Variants in PRKG1 observed in about 807,000 individuals in gnomAD.
PRKG1 encodes the protein cGMP-dependent protein kinase 1.
Under a neutral mutation model 88.1 loss-of-function variants are expected in PRKG1, and 35 were observed. That is an observed-to-expected ratio of 0.40 (90% CI 0.30 to 0.53). PRKG1 has a LOEUF of 0.53. PRKG1 is among the 20% of genes least tolerant of loss of function. The probability of loss-of-function intolerance (pLI) is 0.59; values close to 1 mark genes in which losing one functional copy is unlikely to be tolerated. For missense variants in PRKG1, 540 were observed against 839.8 expected, an observed-to-expected ratio of 0.64 and a Z score of 4.41; for synonymous variants, 303 against 292.5, an observed-to-expected ratio of 1.04 and a Z score of -0.37.
chr10:51,462,914 AT>A (rs1364301059), intron 2 of PRKG1, among the ~76,000 whole-genome samples: 1 of 152,150 alleles, frequency 6.6e-6, no homozygotes, highest in Admixed American at 6.5e-5. Flanking sequence ...CTAGTAATAT[AT>A]TTTTAAAAGT....
At position 51,011,491 on chromosome 10, in the gene PRKG1, C is replaced by A. The variant is rs138317001; in HGVS notation, c.266+19847C>A. ...TCCCTAGAAACCTTGAAACTTCATA[C>A]TTAGAAGTAACCTCATAGAAGCATT... is the stretch of plus-strand genomic sequence containing the variant. On this transcript the variant is annotated intron_variant, in intron 1 of 17. Coordinates refer to the PRKG1 transcript ENST00000401604. 3.3e-3 allele frequency among the ~76,000 whole-genome samples: 510 copies of A among 152,260 alleles called. 1 individual carries two copies. Among genetic ancestry groups the A allele is most frequent in the African/African-American group, 0.012 (494 of 41,554 alleles).
chr10:50,998,982 C>T (rs1842861409), intron 1 of PRKG1, among the ~76,000 whole-genome samples: 1 of 152,100 alleles, frequency 6.6e-6, no homozygotes, highest in Non-Finnish European at 1.5e-5. Flanking sequence ...TGATGGATCA[C>T]CAACTTTGGG....
In PRKG1 at chr10:51,891,691, T is replaced by A. The variant is rs116878701; in HGVS notation, c.699-15816T>A. Among the ~76,000 whole-genome samples the A allele has an allele frequency of 9.6e-4, 146 of 152,334 alleles. 3 individuals carry two copies. The East Asian group carries it at 0.021, about 22-fold the overall frequency. ...GACCAAATAGTAAATATTATAGGTT[T>A]GCAGGTCATATGGTCTTTGTCGCAA... On this transcript the variant is annotated intron_variant, in intron 4 of 17. Transcript: ENST00000373980.
chr10:51,994,815 C>G (rs932204008), intron 5 of PRKG1, among the ~76,000 whole-genome samples: 2 of 152,132 alleles, frequency 1.3e-5, no homozygotes, highest in African/African-American at 4.8e-5. Context: ...GCACTGATAT[C>G]TGCTCCCTGA....
intron 4 of PRKG1, among the ~76,000 whole-genome samples, chr10:51,847,111 T>G (rs1263173855): frequency 6.6e-6 from 1 of 152,146 alleles, no homozygotes; most frequent in Non-Finnish European, 1.5e-5. Flanking sequence ...TTGGCCTCCC[T>G]GAATCTCAGG....
At chr10:52,001,864 T>G (rs1046485662) in intron 5 of PRKG1, among the ~76,000 whole-genome samples, 2 of 152,054 alleles carry the variant, frequency 1.3e-5, no homozygotes, top group African/African-American at 2.4e-5. Flanking sequence ...TTAATATTAC[T>G]TCACCTCATA....
intron 1 of PRKG1, among the ~76,000 whole-genome samples, chr10:51,013,600 C>T (rs1468245987): frequency 6.6e-6 from 1 of 152,086 alleles, no homozygotes; most frequent in Admixed American, 6.5e-5. Flanking sequence ...CCATGTTAGC[C>T]AGGATGGTCT....
At chr10:51,381,954 A>G (rs1453753605) in intron 2 of PRKG1, among the ~76,000 whole-genome samples, 1 of 152,230 alleles carries the variant, frequency 6.6e-6, no homozygotes, top group Non-Finnish European at 1.5e-5. Flanking sequence ...AGAGACATTC[A>G]GAAATAAAGC....
At chr10:52,120,182 G>A (rs533966285) in intron 7 of PRKG1, among the ~76,000 whole-genome samples, 3 of 152,214 alleles carry the variant, frequency 2.0e-5, no homozygotes, top group East Asian at 3.9e-4. Context: ...ATTCATGAGG[G>A]CAGAACTCTC....
chr10:51,032,472 T>C (rs372977987), intron 1 of PRKG1, among the ~76,000 whole-genome samples: 1 of 152,120 alleles, frequency 6.6e-6, no homozygotes, highest in East Asian at 1.9e-4. Context: ...CAAATATTAT[T>C]TTGGTGCCAG....
chr10:51,181,223 AATTTTT>A (rs1367037074), intron 2 of PRKG1, among the ~76,000 whole-genome samples: 3 of 102,466 alleles, frequency 2.9e-5, no homozygotes, highest in African/African-American at 1.4e-4. Flanking sequence ...TATTATATAG[AATTTTT>A]TTTTTTTTTT....
At chr10:51,173,989 G>C (rs1837122209) in intron 2 of PRKG1, among the ~76,000 whole-genome samples, 1 of 151,722 alleles carries the variant, frequency 6.6e-6, no homozygotes, top group South Asian at 2.1e-4. Flanking sequence ...AATTATCTTT[G>C]TTCTCAAGAA....
chr10:51,658,390 G>A (rs1294990254), intron 3 of PRKG1, among the ~76,000 whole-genome samples: 1 of 152,082 alleles, frequency 6.6e-6, no homozygotes, highest in Non-Finnish European at 1.5e-5. Flanking sequence ...GGCAGTCACA[G>A]TGCTCTGAGG....
chr10:52,185,656 C>A (rs1362538618), intron 9 of PRKG1, among the ~76,000 whole-genome samples: 3 of 152,236 alleles, frequency 2.0e-5, no homozygotes, highest in Admixed American at 2.0e-4. Flanking sequence ...GAGGGCTTCA[C>A]TCCTGTGGCA....
At chr10:52,254,913 CT>C (rs2132406507) in intron 10 of PRKG1, among the ~76,000 whole-genome samples, 1 of 152,184 alleles carries the variant, frequency 6.6e-6, no homozygotes, top group African/African-American at 2.4e-5. Flanking sequence ...TTCCTAAATA[CT>C]CTCAGCATAA....
At chr10:51,071,145 C>T (rs190832132), upstream of PRKG1, among the ~76,000 whole-genome samples, 523 of 152,198 alleles carry the variant, frequency 3.4e-3, no homozygotes, top group Non-Finnish European at 5.5e-3. Flanking sequence ...TCTGTTAAGA[C>T]GTAATTGCAG....
chr10:51,618,573 T>C (rs540203331), intron 3 of PRKG1, among the ~76,000 whole-genome samples: 2 of 152,306 alleles, frequency 1.3e-5, no homozygotes, highest in African/African-American at 4.8e-5. Flanking sequence ...ACAACTATGC[T>C]GTGAATAGGT....
intron 12 of PRKG1, among the ~76,000 whole-genome samples, chr10:52,277,154 G>A (rs1841891251): frequency 6.6e-6 from 1 of 152,122 alleles, no homozygotes; most frequent in Non-Finnish European, 1.5e-5. Flanking sequence ...TTTGTGGTCT[G>A]TTTGCTTCGT....
At chr10:51,617,775 A>C (rs752748049) in intron 3 of PRKG1, among the ~76,000 whole-genome samples, 3 of 152,172 alleles carry the variant, frequency 2.0e-5, no homozygotes, top group Non-Finnish European at 4.4e-5. Context: ...TAAATTACAC[A>C]TGACTATATT....
Sources: gnomAD v4.1 joint callset for allele counts (sites outside exome capture counted in the v4.1 genomes callset) on GRCh38, gnomAD v4.1.1 for gene constraint, MANE v1.5 for transcripts, NCBI Gene and HGNC (gene_info 2026-07-23, HGNC 2026-07-21) for gene names.